The following GLIS3 variants were observed in gnomAD, a reference collection of about 807,000 sequenced individuals.
The protein encoded by GLIS3 is zinc finger protein GLIS3.
GLIS3 carries 53 observed loss-of-function variants against 78.6 expected under a neutral mutation model. The ratio of observed to expected loss-of-function variants is 0.67; its 90% CI spans 0.54 to 0.85. The LOEUF (loss-of-function observed/expected upper bound fraction) is 0.85. Ranked by LOEUF, GLIS3 falls within the 40% of genes least tolerant of loss-of-function variation. The pLI, the probability that GLIS3 is intolerant of heterozygous loss-of-function variation, is 0.00. For missense variants in GLIS3, 1,703 were observed against 1,231.1 expected (o/e 1.38, Z -5.74); for synonymous variants, 684 against 509.9 (o/e 1.34, Z -4.60).
chr9:4,265,629 T>A (rs1739020611), intron 2 of GLIS3, among the ~76,000 whole-genome samples: 1 of 152,152 alleles, frequency 6.6e-6, no homozygotes. Flanking sequence ...TTTAATTAAG[T>A]CACAAGAACT....
intron 2 of GLIS3, among the ~76,000 whole-genome samples, chr9:4,247,912 A>T (rs1209056392): frequency 6.6e-6 from 1 of 152,130 alleles, no homozygotes; most frequent in Non-Finnish European, 1.5e-5. Context: ...TACATTTGAA[A>T]TTACTCTCAG....
At position 4,345,770 on chromosome 9, in the gene GLIS3, G is replaced by T. The variant is rs1054488098; in HGVS notation, n.264+1311C>A. On this transcript the variant is annotated intron_variant and non_coding_transcript_variant, in intron 2 of 4. Coordinates refer to the GLIS3 transcript ENST00000471664. ...TTTTGAAATATGTAGGTAACCACAAGAAGATAAAGCAAAAAGAGCTGAAAG... is the reference window on the plus strand; with the variant it reads ...TTTTGAAATATGTAGGTAACCACAATAAGATAAAGCAAAAAGAGCTGAAAG... 2.6e-5 allele frequency among the ~76,000 whole-genome samples: 4 copies of T among 152,286 alleles called. No individual in the cohort carries two copies. In the South Asian group the frequency reaches 8.3e-4, roughly 32 times the overall value.
In GLIS3 at chr9:4,321,421, CAAAAAAAAAAAAAAAAAAAAAAA is replaced by C. The variant is rs35583742; in HGVS notation, n.265-10916_265-10894del. Among the ~76,000 whole-genome samples, 35 of 16,302 alleles carry C rather than the reference CAAAAAAAAAAAAAAAAAAAAAAA, an allele frequency of 2.1e-3. 1 individual carries two copies. Among genetic ancestry groups the C allele is most frequent in the South Asian group, 0.012 (3 of 256 alleles). The allele number at this position is 16,302 out of a possible 152,430, so 10.7% of individuals were successfully genotyped here. A position where few individuals can be genotyped will look rare whatever the true frequency, so the allele number is the denominator to read the frequency against. On this transcript the variant is annotated intron_variant and non_coding_transcript_variant, in intron 2 of 4. Coordinates refer to the GLIS3 transcript ENST00000471664. ...TGGGCCACAGAGCTAGACTCCGTCT[CAAAAAAAAAAAAAAAAAAAAAAA>C]AAAAAAAAAAAAAAAAAAATCAGGT...
chr9:4,278,691 G>T (rs79059132), intron 2 of GLIS3, among the ~76,000 whole-genome samples: 2 of 152,176 alleles, frequency 1.3e-5, no homozygotes, highest in African/African-American at 4.8e-5. Context: ...AACTGATTCT[G>T]ACAAGTATCA....
At chr9:4,275,489 G>C (rs1329852527) in intron 2 of GLIS3, among the ~76,000 whole-genome samples, 1 of 152,066 alleles carries the variant, frequency 6.6e-6, no homozygotes, top group East Asian at 1.9e-4. Context: ...GCAGAGCATG[G>C]TGGCTCACAA....
rs138497710 is a variant in GLIS3 at position 4,118,287 on chromosome 9, C to T, written c.1191G>A (p.Gln397=). Residue 397 remains glutamine, a synonymous_variant, in exon 4 of 11, where the codon CAG becomes CAA. Coordinates refer to ENST00000381971, the MANE Select transcript of GLIS3 (RefSeq NM_001042413.2). The surrounding 1 kb of genome is among the most constrained non-coding windows in gnomAD (Gnocchi z 4.7). The stretch of plus-strand genomic sequence containing the variant: ...CTGGCTGCAGGCCGCCGTGCTCCAG[C>T]TGTTGCATGCGCTCGTGCTCCAGGG... ...DGALEHERMQ[Q]LEHGGLQPGL... 2 of 1,583,284 alleles carry T rather than the reference C, an allele frequency of 1.3e-6. No individual in the cohort carries two copies. The highest frequency in any genetic ancestry group is 2.7e-5 in the African/African-American group (2 of 74,446).
At chr9:4,181,900 C>T (rs889551002) in intron 2 of GLIS3, among the ~76,000 whole-genome samples, 1 of 152,186 alleles carries the variant, frequency 6.6e-6, no homozygotes, top group African/African-American at 2.4e-5. Context: ...CATCCAGCCC[C>T]AACCGAGTTA....
At chr9:4,220,864 A>G (rs950414219) in intron 2 of GLIS3, among the ~76,000 whole-genome samples, 1 of 152,200 alleles carries the variant, frequency 6.6e-6, no homozygotes, top group Non-Finnish European at 1.5e-5. Flanking sequence ...ATGGACCTGT[A>G]ATCCCAGCTA....
intron 2 of GLIS3, among the ~76,000 whole-genome samples, chr9:4,242,337 G>A (rs925101305): frequency 6.6e-6 from 1 of 152,132 alleles, no homozygotes; most frequent in Middle Eastern, 3.2e-3. Context: ...ACCTGCCCAG[G>A]TTTGGCTATT....
rs1245270631 is a variant in GLIS3 at position 3,977,924 on chromosome 9, G to T, written c.1711-40735C>A. Among the ~76,000 whole-genome samples, 2 of 152,212 alleles carry T rather than the reference G, an allele frequency of 1.3e-5. No homozygotes were observed. Among genetic ancestry groups the T allele is most frequent in the Non-Finnish European group, 2.9e-5 (2 of 68,044 alleles). On this transcript the variant is annotated intron_variant, in intron 4 of 10. Coordinates refer to ENST00000381971, the MANE Select transcript of GLIS3 (RefSeq NM_001042413.2). This position sits in a 1 kb window ranked among gnomAD's most constrained non-coding sequence, Gnocchi z 4.1. ...ATGCTGCTAACTTTTATTTGTGAGTGTGAAATGGTAATATTTCATGACAGC... is the reference window on the plus strand; with the variant it reads ...ATGCTGCTAACTTTTATTTGTGAGTTTGAAATGGTAATATTTCATGACAGC...
chr9:4,353,396 G>A, the GLIS3 span, among the ~76,000 whole-genome samples: 2 of 152,102 alleles, frequency 1.3e-5, no homozygotes, highest in African/African-American at 4.8e-5. Context: ...TGAGAAGGAG[G>A]TGTGGGAGTT....
intron 4 of GLIS3, among the ~76,000 whole-genome samples, chr9:4,076,238 T>C (rs1828043776): frequency 6.6e-6 from 1 of 152,130 alleles, no homozygotes; most frequent in Non-Finnish European, 1.5e-5. Context: ...ATAATCTCCA[T>C]GTGAAAAAAA....
intron 2 of GLIS3, among the ~76,000 whole-genome samples, chr9:4,281,344 A>G (rs1391539009): frequency 1.3e-5 from 2 of 151,956 alleles, no homozygotes; most frequent in African/African-American, 4.8e-5. Context: ...CATTAAGTAC[A>G]TTCACATTAT....
At chr9:3,891,559 A>C (rs1822450281) in intron 7 of GLIS3, among the ~76,000 whole-genome samples, 1 of 152,158 alleles carries the variant, frequency 6.6e-6, no homozygotes, top group Admixed American at 6.5e-5. Flanking sequence ...TAAATTAGCC[A>C]GGTGTGGTGG....
chr9:4,277,573 T>A (rs954440392), intron 2 of GLIS3, among the ~76,000 whole-genome samples: 1 of 152,202 alleles, frequency 6.6e-6, no homozygotes, highest in African/African-American at 2.4e-5. Context: ...TCTGTCTTTT[T>A]TGTCTGACCA....
chr9:4,399,514 A>T, the GLIS3 span, among the ~76,000 whole-genome samples: 3 of 152,246 alleles, frequency 2.0e-5, no homozygotes, highest in Non-Finnish European at 4.4e-5. Context: ...GGCAGAGGCA[A>T]GATCAAGTCC....
At chr9:4,390,625 G>C in the GLIS3 span, among the ~76,000 whole-genome samples, 1 of 152,146 alleles carries the variant, frequency 6.6e-6, no homozygotes, top group African/African-American at 2.4e-5. Context: ...TATCTGTGGT[G>C]ACCCTCTGAA....
At chr9:4,085,353 G>T (rs1828929813) in intron 4 of GLIS3, among the ~76,000 whole-genome samples, 2 of 151,602 alleles carry the variant, frequency 1.3e-5, no homozygotes, top group South Asian at 4.2e-4. Flanking sequence ...TTTTGAAGAT[G>T]CTTTGTTTCT....
chr9:4,167,434 G>A (rs1234834408), intron 2 of GLIS3, among the ~76,000 whole-genome samples: 1 of 152,152 alleles, frequency 6.6e-6, no homozygotes, highest in Non-Finnish European at 1.5e-5. Context: ...TCTGCTAAGT[G>A]ATTTCACATA....
Sources: allele counts gnomAD v4.1 joint callset (sites outside exome capture counted in the v4.1 genomes callset), GRCh38; gene constraint gnomAD v4.1.1; non-coding constraint Gnocchi (gnomAD v3.1); transcripts MANE v1.5; gene names NCBI Gene and HGNC (gene_info 2026-07-23, HGNC 2026-07-21).